The following KHDRBS3 variants were observed in gnomAD, a reference collection of about 807,000 sequenced individuals.
KHDRBS3 encodes KH domain-containing, RNA-binding, signal transduction-associated protein 3.
In KHDRBS3, 23 loss-of-function variants were observed where a neutral mutation model predicts 45.6. The observed-to-expected ratio is 0.50, with a 90% CI of 0.36 to 0.72. The LOEUF (loss-of-function observed/expected upper bound fraction) is 0.72, where lower values mean the gene tolerates loss of function less well. KHDRBS3 is among the 30% of genes least tolerant of loss of function. The probability of loss-of-function intolerance (pLI) is 0.00; values close to 1 mark genes in which losing one functional copy is unlikely to be tolerated. For synonymous variants in KHDRBS3, 162 were observed against 156.5 expected, an observed-to-expected ratio of 1.04 and a Z score of -0.26; for missense variants, 352 against 424.8, an observed-to-expected ratio of 0.83 and a Z score of 1.51.
intron 5 of KHDRBS3, 145 bp downstream of exon 5, chr8:135,557,732 G>T: frequency 1.5e-6 from 1 of 659,868 alleles, no homozygotes. Context: ...AGCTACTCGG[G>T]AATCTGAGGC....
intron 5 of KHDRBS3, among the ~76,000 whole-genome samples, chr8:135,559,965 C>A (rs1827088034): frequency 6.6e-6 from 1 of 152,002 alleles, no homozygotes; most frequent in Non-Finnish European, 1.5e-5. Flanking sequence ...CCTGTAATCC[C>A]AGTGCTTTGG....
chr8:135,647,018 A>G lies in KHDRBS3; in HGVS notation c.975A>G (p.Arg325=), dbSNP rs149365116. The part of the protein sequence containing the change: ...SYGQEEWTNS[R]HKAPSARTAK... ...GGCAAGAAGAGTGGACTAACTCAAG[A>G]CACAAGGCACCTTCAGCGAGGACAG... is the stretch of plus-strand genomic sequence containing the variant. The change falls in exon 9 of 9, where the codon AGA becomes AGG. Residue 325 remains arginine, a synonymous_variant. Coordinates refer to ENST00000355849, the MANE Select transcript of KHDRBS3 (RefSeq NM_006558.3). The G allele has an allele frequency of 7.8e-5, 126 of 1,607,172 alleles. No homozygotes were observed. In the Middle Eastern group the frequency reaches 1.7e-3, roughly 21 times the overall value.
At chr8:135,480,559 A>G (rs1822510623) in intron 1 of KHDRBS3, among the ~76,000 whole-genome samples, 1 of 152,160 alleles carries the variant, frequency 6.6e-6, no homozygotes, top group Admixed American at 6.5e-5. Context: ...TGTAAGTACC[A>G]CCTGTACAAA....
intron 6 of KHDRBS3, among the ~76,000 whole-genome samples, chr8:135,598,162 A>C (rs1002151539): frequency 1.3e-5 from 2 of 152,216 alleles, no homozygotes; most frequent in Non-Finnish European, 2.9e-5. Flanking sequence ...ATTTTAGAGA[A>C]AGTTTTAAGA....
chr8:135,626,967 G>C (rs191459656), intron 7 of KHDRBS3, among the ~76,000 whole-genome samples: 2 of 152,116 alleles, frequency 1.3e-5, no homozygotes, highest in Admixed American at 6.5e-5. Flanking sequence ...TTTGTAGTAG[G>C]AAGGAGTAGC....
downstream of KHDRBS3, among the ~76,000 whole-genome samples, chr8:135,649,637 G>A (rs1831387934): frequency 6.6e-6 from 1 of 152,146 alleles, no homozygotes; most frequent in Non-Finnish European, 1.5e-5. Context: ...TGTACGGAAT[G>A]GGAATGTGAC....
At chr8:135,488,204 A>C (rs143727954) in intron 1 of KHDRBS3, among the ~76,000 whole-genome samples, 1 of 152,328 alleles carries the variant, frequency 6.6e-6, no homozygotes, top group East Asian at 1.9e-4. Context: ...TTTAACTGGT[A>C]CATGTGCTGA....
At chr8:135,542,849 C>T in intron 3 of KHDRBS3, 79 bp downstream of exon 3, 1 of 934,230 alleles carries the variant, frequency 1.1e-6, no homozygotes, top group Non-Finnish European at 1.7e-6. Flanking sequence ...TGTATTCATA[C>T]ATAGTTACAT....
intron 1 of KHDRBS3, among the ~76,000 whole-genome samples, chr8:135,476,112 G>C (rs1822267774): frequency 6.6e-6 from 1 of 152,056 alleles, no homozygotes; most frequent in Admixed American, 6.6e-5. Flanking sequence ...TAATTGACTT[G>C]ACAAATTTTC....
At chr8:135,531,259 G>A (rs182445870) in intron 2 of KHDRBS3, among the ~76,000 whole-genome samples, 18 of 152,036 alleles carry the variant, frequency 1.2e-4, no homozygotes, top group Non-Finnish European at 1.5e-4. Flanking sequence ...AAATAAGTTG[G>A]GCTGTTTATC....
At chr8:135,606,105 T>A (rs1490545317) in intron 6 of KHDRBS3, among the ~76,000 whole-genome samples, 1 of 152,188 alleles carries the variant, frequency 6.6e-6, no homozygotes, top group African/African-American at 2.4e-5. Flanking sequence ...GCAGAGATTT[T>A]AGTAAATGCC....
At chr8:135,555,431 TG>T (rs1465178052) in intron 4 of KHDRBS3, among the ~76,000 whole-genome samples, 1 of 151,950 alleles carries the variant, frequency 6.6e-6, no homozygotes, top group Non-Finnish European at 1.5e-5. Flanking sequence ...ATTTTGTGTG[TG>T]GCCCAAGACA....
chr8:135,593,424 A>G (rs1214745648), intron 6 of KHDRBS3: 5 of 152,102 alleles, frequency 3.3e-5, no homozygotes, highest in African/African-American at 9.7e-5. Context: ...ATTACTCTCC[A>G]TTATACTTTA....
chr8:135,554,876 C>T (rs1347779303), intron 4 of KHDRBS3, among the ~76,000 whole-genome samples: 1 of 152,076 alleles, frequency 6.6e-6, no homozygotes, highest in East Asian at 1.9e-4. Context: ...AATCTGTCTC[C>T]TCTAAATGTT....
chr8:135,459,044 G>A (rs1456302637), intron 1 of KHDRBS3: 1 of 437,808 alleles, frequency 2.3e-6, no homozygotes, highest in Non-Finnish European at 4.6e-6. Context: ...GGTCAGATCT[G>A]TTACCTTTTG....
At chr8:135,503,543 T>C (rs182515387) in intron 1 of KHDRBS3, among the ~76,000 whole-genome samples, 240 of 152,178 alleles carry the variant, frequency 1.6e-3, no homozygotes, top group African/African-American at 5.6e-3. Flanking sequence ...CAGGAGTAGC[T>C]CTTTCATGTT....
chr8:135,561,963 A>G (rs1297318716), intron 5 of KHDRBS3, among the ~76,000 whole-genome samples: 2 of 152,184 alleles, frequency 1.3e-5, no homozygotes, highest in Non-Finnish European at 2.9e-5. Flanking sequence ...GTGTTGCTAG[A>G]AAAGAGTCAA....
downstream of KHDRBS3, among the ~76,000 whole-genome samples, chr8:135,651,258 G>T (rs1318838823): frequency 6.6e-6 from 1 of 151,580 alleles, no homozygotes; most frequent in Admixed American, 6.6e-5. Flanking sequence ...AGTCTAAACT[G>T]CAGGTTCCCC....
Position 135,466,790 on chromosome 8 carries a change from A to T in KHDRBS3, c.88+8836A>T, listed in dbSNP as rs552354740. On this transcript the variant is annotated intron_variant, in intron 1 of 8. Coordinates refer to ENST00000355849, the MANE Select transcript of KHDRBS3 (RefSeq NM_006558.3). ...CTTTTAGCAGGGCTGAATGCTGTTA[A>T]CAAGTCCCCAGGACTTAAAAAATTT... Among the ~76,000 whole-genome samples, 30 of 152,314 alleles carry T rather than the reference A, an allele frequency of 2.0e-4. No homozygotes were observed. The East Asian group carries it at 5.8e-3, about 29-fold the overall frequency.
Sources: gnomAD v4.1 joint callset for allele counts (sites outside exome capture counted in the v4.1 genomes callset) on GRCh38, gnomAD v4.1.1 for gene constraint, MANE v1.5 for transcripts, NCBI Gene and HGNC (gene_info 2026-07-23, HGNC 2026-07-21) for gene names.